The following CPAMD8 variants were observed in gnomAD, a reference collection of about 807,000 sequenced individuals.
CPAMD8 encodes C3 and PZP like alpha-2-macroglobulin domain containing 8, also known as C3 and PZP-like alpha-2-macroglobulin domain-containing protein 8.
CPAMD8 carries 146 observed loss-of-function variants against 224.7 expected under a neutral mutation model. That is an observed-to-expected ratio of 0.65 (90% confidence interval 0.57 to 0.75). CPAMD8 has a LOEUF of 0.75. CPAMD8 is among the 30% of genes least tolerant of loss of function. The pLI, the probability that CPAMD8 is intolerant of heterozygous loss-of-function variation, is 0.00. For missense variants in CPAMD8, 2,301 were observed against 2,537.5 expected, an observed-to-expected ratio of 0.91 and a Z score of 2.00; for synonymous variants, 966 against 1,044.6, an observed-to-expected ratio of 0.92 and a Z score of 1.45.
chr19:16,897,710 G>T lies in CPAMD8; in HGVS notation c.5046C>A (p.Arg1682=). The T allele has an allele frequency of 6.5e-7, 1 of 1,547,524 alleles. No individual in the cohort carries two copies. Among genetic ancestry groups the T allele is most frequent in the Non-Finnish European group, 8.7e-7 (1 of 1,146,114 alleles). The change falls in exon 39 of 42, where the codon CGC becomes CGA. Residue 1682 remains arginine, a synonymous_variant. Coordinates refer to ENST00000443236, the MANE Select transcript of CPAMD8 (RefSeq NM_015692.5). ...CAGPACNEVE[R]APARGPGWFP... Reference sequence around the variant, plus strand: ...ACTCACCCGGGCCCCGGGCAGGGGCGCGCTCCACTTCGTTGCACGCGGGTC... The same window carrying T: ...ACTCACCCGGGCCCCGGGCAGGGGCTCGCTCCACTTCGTTGCACGCGGGTC...
chr19:16,914,665 C>T lies in CPAMD8; in HGVS notation c.3778G>A (p.Asp1260Asn), dbSNP rs776066399. 6.2e-7 allele frequency: 1 copy of T among 1,614,042 alleles called. No individual in the cohort carries two copies. The highest frequency in any genetic ancestry group is 2.2e-5 in the East Asian group (1 of 44,884). ...FLAVGRVLNK[D>N]IQGGIHGTVP... ...CTCAAGGGGCCACTCACCTGGATGTCCTTGTTCAGGACCCTGCCCACGGCC... is the reference window on the plus strand; with the variant it reads ...CTCAAGGGGCCACTCACCTGGATGTTCTTGTTCAGGACCCTGCCCACGGCC... The change falls in exon 28 of 42, where the codon GAC becomes AAC. Residue 1260 changes from aspartate (D) to asparagine (N), a missense_variant. Physicochemically the swap from Asp to Asn is conservative, Grantham distance 23. Around this residue, in one of 4 missense-constraint regions of CPAMD8, gnomAD observed 1,709 missense variants for 1,753.2 expected, o/e 0.97. Coordinates refer to ENST00000443236, the MANE Select transcript of CPAMD8 (RefSeq NM_015692.5).
intron 27 of CPAMD8, among the ~76,000 whole-genome samples, chr19:16,915,590 G>A (rs1004634204): frequency 1.3e-5 from 2 of 152,148 alleles, no homozygotes; most frequent in Non-Finnish European, 2.9e-5. Flanking sequence ...GCTTTTGCAG[G>A]TGCCACCCTG....
Position 16,897,975 on chromosome 19 carries a change from G to T in CPAMD8, c.4868C>A (p.Thr1623Lys). 6.2e-7 allele frequency: 1 copy of T among 1,610,826 alleles called. No individual in the cohort carries two copies. The highest frequency in any genetic ancestry group is 1.1e-5 in the South Asian group (1 of 90,890). Residue 1623 changes from threonine (T) to lysine (K), a missense_variant, in exon 38 of 42, where the codon ACG (threonine) becomes AAG (lysine). Around this residue, in one of 4 missense-constraint regions of CPAMD8, gnomAD observed 1,709 missense variants for 1,753.2 expected, o/e 0.97. Transcript: ENST00000443236. ...YFDEIPSRCL[T>K]CVRFRALREC... ...CCGGAGAGCACGGAACCGCACGCACGTCAGGCACCGGCTGGGGATCTGTGG... is the reference window on the plus strand; with the variant it reads ...CCGGAGAGCACGGAACCGCACGCACTTCAGGCACCGGCTGGGGATCTGTGG...
At chr19:16,939,149 T>TTTTA (rs35025434) in intron 22 of CPAMD8, among the ~76,000 whole-genome samples, 12,367 of 146,736 alleles carry the variant, frequency 0.084, 599 homozygotes, top group East Asian at 0.17. Context: ...GGATGGTCAA[T>TTTTA]TTTATTTATT....
At chr19:17,025,660 A>G (rs1238888536) in intron 1 of CPAMD8, among the ~76,000 whole-genome samples, 1 of 152,178 alleles carries the variant, frequency 6.6e-6, no homozygotes, top group Non-Finnish European at 1.5e-5. Flanking sequence ...CAGCGGCCTC[A>G]GGGAGACAAA....
In CPAMD8 at chr19:16,901,220, C is replaced by G. The variant is rs1387097327; in HGVS notation, c.4763G>C (p.Ser1588Thr). The change falls in exon 36 of 42, where the codon AGC becomes ACC. Residue 1588 changes from serine to threonine, a missense_variant. This residue lies in a region of CPAMD8 where 1,709 missense variants were observed against 1,753.2 expected (regional missense o/e 0.97). Transcript: ENST00000443236. ...LLSGFRADIE[S>T]LEQLLLDKHM... The stretch of plus-strand genomic sequence containing the variant: ...CCGGCGCTGCCTCACCTGCTCCAGG[C>G]TCTCGATGTCTGCCCGGAAGCCTGA... 6.2e-7 allele frequency: 1 copy of G among 1,610,044 alleles called. No homozygotes were observed. Among genetic ancestry groups the G allele is most frequent in the East Asian group, 2.2e-5 (1 of 44,790 alleles).
chr19:16,904,176 A>AGCCCC, intron 32 of CPAMD8, 50 bp downstream of exon 32: 4 of 937,336 alleles, frequency 4.3e-6, no homozygotes, highest in Non-Finnish European at 6.7e-6. Flanking sequence ...GACTGCAGGG[A>AGCCCC]CCCCACCCAC....
chr19:17,003,105 G>C (rs2056384630), intron 8 of CPAMD8, among the ~76,000 whole-genome samples: 1 of 151,664 alleles, frequency 6.6e-6, no homozygotes, highest in South Asian at 2.1e-4. Context: ...GTTTCACCAT[G>C]TTGGCCAGCC....
chr19:16,934,382 A>G (rs1413843203), intron 23 of CPAMD8, among the ~76,000 whole-genome samples: 1 of 152,226 alleles, frequency 6.6e-6, no homozygotes, highest in African/African-American at 2.4e-5. Context: ...TCATATAAAT[A>G]TGTTCATAAA....
At position 17,010,459 on chromosome 19, in the gene CPAMD8, C is replaced by T. The variant is rs544207601; in HGVS notation, c.486+1005G>A. Reference sequence around the variant, plus strand: ...TTCGCTATGTTGCCCAGAATGGTCTCGGACTCCTGGCCACAGCGATCTTCC... The same window carrying T: ...TTCGCTATGTTGCCCAGAATGGTCTTGGACTCCTGGCCACAGCGATCTTCC... On this transcript the variant is annotated intron_variant, in intron 5 of 41. Transcript: ENST00000443236. Among the ~76,000 whole-genome samples, 9 of 151,926 alleles carry T rather than the reference C, an allele frequency of 5.9e-5. No homozygotes were observed. In the East Asian group the frequency reaches 1.2e-3, roughly 20 times the overall value.
At chr19:16,982,102 A>G (rs995246037) in intron 13 of CPAMD8, among the ~76,000 whole-genome samples, 1 of 152,124 alleles carries the variant, frequency 6.6e-6, no homozygotes, top group Non-Finnish European at 1.5e-5. Flanking sequence ...CAAAAAATCA[A>G]AAAACTTTGG....
intron 19 of CPAMD8, among the ~76,000 whole-genome samples, chr19:16,956,642 C>A (rs561947218): frequency 1.3e-5 from 2 of 152,114 alleles, no homozygotes; most frequent in East Asian, 3.9e-4. Flanking sequence ...CCAGCCTGGG[C>A]AACATACAGA....
chr19:17,002,072 GGAGA>G (rs886074830), intron 9 of CPAMD8, among the ~76,000 whole-genome samples, 190 bp downstream of exon 9: 2 of 151,292 alleles, frequency 1.3e-5, no homozygotes, highest in Admixed American at 6.6e-5. Flanking sequence ...GGCGCCTACT[GGAGA>G]GAGTCACAGG....
At chr19:16,981,395 C>T (rs1362333333) in intron 13 of CPAMD8, among the ~76,000 whole-genome samples, 1 of 152,106 alleles carries the variant, frequency 6.6e-6, no homozygotes, top group African/African-American at 2.4e-5. Flanking sequence ...TGTTTCCTAA[C>T]TTTGAACGTG....
chr19:17,025,899 C>A (rs1314492346), intron 1 of CPAMD8, among the ~76,000 whole-genome samples: 3 of 152,166 alleles, frequency 2.0e-5, no homozygotes, highest in African/African-American at 7.2e-5. Context: ...TTTCTGGAAA[C>A]TCCTAAACAA....
chr19:16,977,636 GCT>G, intron 14 of CPAMD8, 96 bp from the exon 15 acceptor site: 1 of 893,446 alleles, frequency 1.1e-6, no homozygotes, highest in South Asian at 1.8e-5. Flanking sequence ...CCTGCGCTAT[GCT>G]CCTGTCTACG....
rs941583912 is a variant in CPAMD8, at chr19:16,953,048, A to G, written c.2277-848T>C. Among the ~76,000 whole-genome samples, 7 of 152,280 alleles carry G rather than the reference A, an allele frequency of 4.6e-5. No homozygotes were observed. The East Asian group carries it at 1.4e-3, about 29-fold the overall frequency. On this transcript the variant is annotated intron_variant, in intron 19 of 41. Transcript: ENST00000443236. Reference sequence around the variant, plus strand: ...TACAGACCAATGGAATCAAATAGAGAGCCCAGGAATAAACCTTGACGACAC... The same window carrying G: ...TACAGACCAATGGAATCAAATAGAGGGCCCAGGAATAAACCTTGACGACAC...
chr19:16,899,836 G>A lies in CPAMD8; in HGVS notation c.4774-287C>T, dbSNP rs1397573352. On this transcript the variant is annotated intron_variant, in intron 36 of 41. Coordinates refer to ENST00000443236, the MANE Select transcript of CPAMD8 (RefSeq NM_015692.5). The surrounding 1 kb of genome is among the most constrained non-coding windows in gnomAD (Gnocchi z 5.4). ...TTCTCCGTGGCCAAAGAGGTGCCCG[G>A]CTGAGCCCTGCCGCCTGCTGGTGTC... is the stretch of plus-strand genomic sequence containing the variant. 6.6e-6 allele frequency among the ~76,000 whole-genome samples: 1 copy of A among 151,572 alleles called. No homozygotes were observed. The highest frequency in any genetic ancestry group is 1.5e-5 in the Non-Finnish European group (1 of 67,974).
intron 17 of CPAMD8, among the ~76,000 whole-genome samples, chr19:16,974,589 T>C (rs888699344): frequency 1.2e-4 from 19 of 152,040 alleles, no homozygotes; most frequent in African/African-American, 4.6e-4. Context: ...ACCTGACCAT[T>C]GACATGCATA....
Sources: allele counts gnomAD v4.1 joint callset (sites outside exome capture counted in the v4.1 genomes callset), GRCh38; gene constraint gnomAD v4.1.1; regional missense constraint gnomAD v4.1.1; non-coding constraint Gnocchi (gnomAD v3.1); transcripts MANE v1.5; gene names NCBI Gene and HGNC (gene_info 2026-07-23, HGNC 2026-07-21).